The following DOCK3 variants were observed in gnomAD, a reference collection of about 807,000 sequenced individuals.
DOCK3 encodes dedicator of cytokinesis 3.
A neutral mutation model predicts 265.6 loss-of-function variants in DOCK3; 60 were observed. That is an observed-to-expected ratio of 0.23 (90% CI 0.18 to 0.28). DOCK3 has a LOEUF of 0.28. Among genes scored for constraint, DOCK3 ranks in the 10% least tolerant of loss-of-function variants. DOCK3 has a pLI of 1.00. For synonymous variants in DOCK3, 881 were observed against 938.0 expected (o/e 0.94, Z 1.11); for missense variants, 1,981 against 2,594.3 (o/e 0.76, Z 5.14).
At chr3:51,138,969 T>C (rs1041725522) in intron 9 of DOCK3, among the ~76,000 whole-genome samples, 5 of 152,156 alleles carry the variant, frequency 3.3e-5, no homozygotes, top group African/African-American at 9.6e-5. Context: ...AAAAGTGTAT[T>C]TTCTTGCTTT....
chr3:51,178,376 A>C (rs1196615327), intron 12 of DOCK3, among the ~76,000 whole-genome samples: 1 of 152,226 alleles, frequency 6.6e-6, no homozygotes, highest in East Asian at 1.9e-4. Flanking sequence ...CTTCAGCCTC[A>C]GAATCCCTAA....
chr3:51,356,806 A>C (rs1238307683), intron 43 of DOCK3, among the ~76,000 whole-genome samples, 156 bp from the exon 44 acceptor site: 1 of 152,168 alleles, frequency 6.6e-6, no homozygotes, highest in African/African-American at 2.4e-5. Flanking sequence ...AGTGCCTATA[A>C]ATCAGACAAC....
chr3:51,120,676 A>G (rs1291231308), intron 9 of DOCK3, among the ~76,000 whole-genome samples: 1 of 152,122 alleles, frequency 6.6e-6, no homozygotes, highest in Non-Finnish European at 1.5e-5. Flanking sequence ...GAGTGGAGGA[A>G]TCTAGAGAGG....
intron 5 of DOCK3, among the ~76,000 whole-genome samples, chr3:51,038,016 G>A (rs1253338723): frequency 6.6e-6 from 1 of 152,198 alleles, no homozygotes; most frequent in African/African-American, 2.4e-5. Flanking sequence ...GGATTGTAGG[G>A]TATGTGCCTA....
intron 22 of DOCK3, among the ~76,000 whole-genome samples, chr3:51,253,576 T>G (rs991367500): frequency 6.6e-6 from 1 of 152,220 alleles, no homozygotes; most frequent in Non-Finnish European, 1.5e-5. Flanking sequence ...TTCAACTTCT[T>G]CCTGGTTTAG....
chr3:51,319,316 T>C (rs757576861), intron 32 of DOCK3, among the ~76,000 whole-genome samples: 120 of 151,702 alleles, frequency 7.9e-4, no homozygotes, highest in Middle Eastern at 6.8e-3. Context: ...AAATAATAAC[T>C]TCAAACAAAA....
intron 5 of DOCK3, among the ~76,000 whole-genome samples, chr3:51,049,074 C>T (rs1203908194): frequency 2.0e-5 from 3 of 152,080 alleles, no homozygotes; most frequent in African/African-American, 7.3e-5. Context: ...CGCCTGTAAT[C>T]CCAGCACTTT....
At chr3:50,751,304 T>C (rs1178648408) in intron 1 of DOCK3, among the ~76,000 whole-genome samples, 1 of 151,850 alleles carries the variant, frequency 6.6e-6, no homozygotes, top group Non-Finnish European at 1.5e-5. Flanking sequence ...GTGCAGAACA[T>C]GCAGGCTTGT....
At chr3:50,694,421 G>T (rs1461118748) in intron 1 of DOCK3, among the ~76,000 whole-genome samples, 3 of 152,204 alleles carry the variant, frequency 2.0e-5, no homozygotes, top group Non-Finnish European at 4.4e-5. Flanking sequence ...CCAGAAAAGT[G>T]TATTTTAGTT....
chr3:50,712,802 C>G lies in DOCK3; in HGVS notation c.37+37502C>G, dbSNP rs139803508. ...TAATTTTCCTACTGTTACAGGAGAT[C>G]GATTATAGTTTGTGTAATTTCAGCC... On this transcript the variant is annotated intron_variant, in intron 1 of 52. Coordinates refer to ENST00000266037, the MANE Select transcript of DOCK3 (RefSeq NM_004947.5). Among the ~76,000 whole-genome samples, 354 of 152,180 alleles carry G rather than the reference C, an allele frequency of 2.3e-3. 3 individuals are homozygous for G. The highest frequency in any genetic ancestry group is 7.8e-3 in the African/African-American group (323 of 41,516).
chr3:51,381,818 T>C lies in DOCK3; in HGVS notation c.*259T>C, dbSNP rs1370516484. The C allele has an allele frequency of 1.5e-5, 6 of 412,462 alleles. No homozygotes were observed. Among genetic ancestry groups the C allele is most frequent in the Non-Finnish European group, 2.6e-5 (6 of 233,548 alleles). 25.6% of individuals were successfully genotyped at this position (412,462 alleles called of 1,614,324 possible). ...TATGGGTTTTCCTTTCTTTCCTTTA[T>C]GCAGTAGATGCTTTCTTCCTCCTGC... is the stretch of plus-strand genomic sequence containing the variant. On this transcript the variant is annotated 3_prime_UTR_variant, in exon 53 of 53. Transcript: ENST00000266037. This position sits in a 1 kb window ranked among gnomAD's most constrained non-coding sequence, Gnocchi z 5.6.
intron 40 of DOCK3, among the ~76,000 whole-genome samples, chr3:51,351,186 C>G (rs2085949599): frequency 6.6e-6 from 1 of 152,130 alleles, no homozygotes; most frequent in Admixed American, 6.5e-5. Context: ...ATGAAGCTGC[C>G]CTGATGTGTG....
chr3:50,893,614 A>G (rs2048746782), intron 4 of DOCK3, among the ~76,000 whole-genome samples: 1 of 152,056 alleles, frequency 6.6e-6, no homozygotes. Flanking sequence ...TAAGAAACTA[A>G]TGGGACACCA....
intron 5 of DOCK3, among the ~76,000 whole-genome samples, chr3:51,007,603 G>C (rs558197615): frequency 6.6e-6 from 1 of 152,112 alleles, no homozygotes; most frequent in Non-Finnish European, 1.5e-5. Context: ...TTCTTTTGCT[G>C]TGCAGAAGCT....
chr3:51,165,951 A>T (rs2086383177), intron 12 of DOCK3, among the ~76,000 whole-genome samples: 1 of 150,646 alleles, frequency 6.6e-6, no homozygotes, highest in Admixed American at 6.6e-5. Flanking sequence ...AAAATATATA[A>T]TTCCTCATTC....
At chr3:51,299,136 CA>C (rs2082248440) in intron 27 of DOCK3, among the ~76,000 whole-genome samples, 1 of 152,180 alleles carries the variant, frequency 6.6e-6, no homozygotes, top group Non-Finnish European at 1.5e-5. Flanking sequence ...GATGCTGTAT[CA>C]TTGTGGTTTT....
At chr3:50,936,012 C>T (rs1465417272) in intron 5 of DOCK3, among the ~76,000 whole-genome samples, 1 of 152,140 alleles carries the variant, frequency 6.6e-6, no homozygotes, top group African/African-American at 2.4e-5. Flanking sequence ...TTGACAAAGA[C>T]TTTTAAACAG....
intron 9 of DOCK3, among the ~76,000 whole-genome samples, chr3:51,118,208 A>G (rs1048364332): frequency 1.3e-5 from 2 of 151,912 alleles, no homozygotes; most frequent in Non-Finnish European, 2.9e-5. Flanking sequence ...CCTTAATTTC[A>G]TTATTTACCC....
At chr3:50,773,372 ATTAATTTAAAAAAAAT>A (rs1271421758) in intron 1 of DOCK3, among the ~76,000 whole-genome samples, 13 of 151,928 alleles carry the variant, frequency 8.6e-5, no homozygotes, top group Non-Finnish European at 2.9e-5. Flanking sequence ...ATTGATCTAT[ATTAATTTAAAAAAAAT>A]CATTTGAAAG....
Sources: allele counts gnomAD v4.1 joint callset (sites outside exome capture counted in the v4.1 genomes callset), GRCh38; gene constraint gnomAD v4.1.1; non-coding constraint Gnocchi (gnomAD v3.1); transcripts MANE v1.5; gene names NCBI Gene and HGNC (gene_info 2026-07-23, HGNC 2026-07-21).